Variants in ADRA1D observed in about 807,000 individuals in gnomAD.
ADRA1D encodes the protein adrenoceptor alpha 1D, also known as alpha-1D adrenergic receptor.
Under a neutral mutation model 18.6 loss-of-function variants are expected in ADRA1D, and 22 were observed. The observed-to-expected ratio is 1.19, with a 90% CI of 0.85 to 1.69. The LOEUF is 1.69. Ranked by LOEUF, ADRA1D falls within the 40% of genes most tolerant of loss-of-function variation. ADRA1D has a pLI of 0.00. For missense variants in ADRA1D, 840 were observed against 840.7 expected (o/e 1.00, Z 0.01); for synonymous variants, 376 against 388.2 (o/e 0.97, Z 0.37).
Position 4,221,296 on chromosome 20 carries a change from A to T in ADRA1D, c.*227T>A, listed in dbSNP as rs548799874. On this transcript the variant is annotated 3_prime_UTR_variant, in exon 2 of 2. Transcript: ENST00000379453. Reference sequence around the variant, plus strand: ...CGGAGCCCGCAGCCTCTCCCTTCTAAGAAAAGAGTTCTGGGCACCTGAGTC... The same window carrying T: ...CGGAGCCCGCAGCCTCTCCCTTCTATGAAAAGAGTTCTGGGCACCTGAGTC... The T allele has an allele frequency of 2.2e-5, 10 of 463,500 alleles. No homozygotes were observed. Among genetic ancestry groups the T allele is most frequent in the African/African-American group, 4.0e-5 (2 of 49,498 alleles). 28.7% of individuals were successfully genotyped at this position (463,500 alleles called of 1,614,324 possible). A position where few individuals can be genotyped will look rare whatever the true frequency, so the allele number is the denominator to read the frequency against.
At chr20:4,246,261 C>T (rs1357338932) in intron 1 of ADRA1D, among the ~76,000 whole-genome samples, 4 of 152,282 alleles carry the variant, frequency 2.6e-5, no homozygotes, top group South Asian at 4.1e-4. Flanking sequence ...AGAAACAAAA[C>T]AAGCAGCACA....
Position 4,222,167 on chromosome 20 carries a change from G to C in ADRA1D, c.1112-37C>G, listed in dbSNP as rs1251893207. The C allele has an allele frequency of 2.5e-6, 4 of 1,590,520 alleles. No individual in the cohort carries two copies. Among genetic ancestry groups the C allele is most frequent in the Non-Finnish European group, 3.4e-6 (4 of 1,167,330 alleles). The stretch of plus-strand genomic sequence containing the variant: ...AGAGACCGATACTATTTAGCTGCTT[G>C]GGGAGGGGGAGGCCAGGCGGCTCTG... On this transcript the variant is annotated intron_variant, in intron 1 of 1. Coordinates refer to ENST00000379453, the MANE Select transcript of ADRA1D (RefSeq NM_000678.4). This position sits in a 1 kb window ranked among gnomAD's most constrained non-coding sequence, Gnocchi z 4.3.
rs577709774 is a variant in ADRA1D at position 4,240,239 on chromosome 20, G to A, written c.1111+7608C>T. On this transcript the variant is annotated intron_variant, in intron 1 of 1. Coordinates refer to ENST00000379453, the MANE Select transcript of ADRA1D (RefSeq NM_000678.4). ...GAAAAAAAAGCAGTGGAGGCTTACC[G>A]AGTAAAGAAACCTAATAGGCAAATC... Among the ~76,000 whole-genome samples, 10 of 152,270 alleles carry A rather than the reference G, an allele frequency of 6.6e-5. No homozygotes were observed. The South Asian group carries it at 8.3e-4, about 13-fold the overall frequency.
At chr20:4,247,110 AC>A (rs1490728071) in intron 1 of ADRA1D, among the ~76,000 whole-genome samples, 3 of 152,218 alleles carry the variant, frequency 2.0e-5, no homozygotes, top group Non-Finnish European at 4.4e-5. Context: ...GCCTCTGAAG[AC>A]AGCTGCCTAC....
intron 1 of ADRA1D, among the ~76,000 whole-genome samples, chr20:4,246,553 G>C (rs544647165): frequency 1.3e-5 from 2 of 152,064 alleles, no homozygotes; most frequent in Non-Finnish European, 1.5e-5. Context: ...CGGCAAGACC[G>C]TGACGGCAGA....
chr20:4,233,782 G>A (rs1215057247), intron 1 of ADRA1D, among the ~76,000 whole-genome samples: 1 of 152,164 alleles, frequency 6.6e-6, no homozygotes, highest in Non-Finnish European at 1.5e-5. Context: ...TTCAACAGGA[G>A]GCTTGCAGTG....
chr20:4,229,077 C>G (rs1457492877), intron 1 of ADRA1D, among the ~76,000 whole-genome samples: 1 of 152,222 alleles, frequency 6.6e-6, no homozygotes, highest in African/African-American at 2.4e-5. Flanking sequence ...TACTCCTTGT[C>G]AGTTTCCTTG....
intron 1 of ADRA1D, among the ~76,000 whole-genome samples, chr20:4,245,673 A>G (rs1019899095): frequency 4.6e-5 from 7 of 152,148 alleles, no homozygotes; most frequent in Non-Finnish European, 8.8e-5. Context: ...CATTCTACAC[A>G]GGTTGGGCGT....
chr20:4,221,301 A>G lies in ADRA1D; in HGVS notation c.*222T>C. The G allele has an allele frequency of 2.1e-6, 1 of 467,464 alleles. No homozygotes were observed. Among genetic ancestry groups the G allele is most frequent in the Non-Finnish European group, 3.7e-6 (1 of 269,770 alleles). The allele number at this position is 467,464 out of a possible 1,614,324, so 29.0% of individuals were successfully genotyped here. On this transcript the variant is annotated 3_prime_UTR_variant, in exon 2 of 2. Coordinates refer to ENST00000379453, the MANE Select transcript of ADRA1D (RefSeq NM_000678.4). The stretch of plus-strand genomic sequence containing the variant: ...CCCGCAGCCTCTCCCTTCTAAGAAA[A>G]GAGTTCTGGGCACCTGAGTCCAGCA...
rs1327581419 is a variant in ADRA1D at position 4,248,811 on chromosome 20, G to GC, written c.146dup (p.Ala50ArgfsTer65). ...CCACCACGCCGCCGCCGCCGCCCGCGCCCCCCGGCACGCCGCCCACCGCCG... is the reference window on the plus strand; with the variant it reads ...CCACCACGCCGCCGCCGCCGCCCGCGCCCCCCCGGCACGCCGCCCACCGCCG... On this transcript the variant is annotated frameshift_variant, in exon 1 of 2. Coordinates refer to ENST00000379453, the MANE Select transcript of ADRA1D (RefSeq NM_000678.4). LOFTEE classifies it high-confidence loss of function. 2 of 1,089,078 alleles carry GC rather than the reference G, an allele frequency of 1.8e-6. No individual in the cohort carries two copies. The highest frequency in any genetic ancestry group is 1.7e-5 in the African/African-American group (1 of 58,954). 67.5% of individuals were successfully genotyped at this position (1,089,078 alleles called of 1,614,324 possible).
At chr20:4,224,299 G>C (rs1247697859) in intron 1 of ADRA1D, among the ~76,000 whole-genome samples, 1 of 152,158 alleles carries the variant, frequency 6.6e-6, no homozygotes, top group African/African-American at 2.4e-5. Flanking sequence ...GTCAGGAAAG[G>C]CTTCTGGGAT....
At chr20:4,237,083 G>A (rs1313961221) in intron 1 of ADRA1D, among the ~76,000 whole-genome samples, 3 of 152,122 alleles carry the variant, frequency 2.0e-5, no homozygotes, top group African/African-American at 7.2e-5. Context: ...AGCTGAAGAG[G>A]GTTTGTCTGG....
In ADRA1D at chr20:4,222,550, G is replaced by T. The variant is rs1980697844; in HGVS notation, c.1112-420C>A. 6.6e-6 allele frequency among the ~76,000 whole-genome samples: 1 copy of T among 152,116 alleles called. No individual in the cohort carries two copies. Among genetic ancestry groups the T allele is most frequent in the Non-Finnish European group, 1.5e-5 (1 of 68,020 alleles). On this transcript the variant is annotated intron_variant, in intron 1 of 1. Coordinates refer to ENST00000379453, the MANE Select transcript of ADRA1D (RefSeq NM_000678.4). This position sits in a 1 kb window ranked among gnomAD's most constrained non-coding sequence, Gnocchi z 4.3. ...ACAAAGTACGGCTCTCTGGAAAGAT[G>T]CTTTGAAGATAAAATAGGATAGAAC... is the stretch of plus-strand genomic sequence containing the variant.
Position 4,224,662 on chromosome 20 carries a change from T to A in ADRA1D, c.1112-2532A>T, listed in dbSNP as rs545026276. 5.7e-4 allele frequency among the ~76,000 whole-genome samples: 76 copies of A among 133,300 alleles called. 2 individuals carry two copies. The highest frequency in any genetic ancestry group is 2.1e-3 in the African/African-American group (74 of 35,014). The allele number at this position is 133,300 out of a possible 152,430, so 87.4% of individuals were successfully genotyped here. A position where few individuals can be genotyped will look rare whatever the true frequency, so the allele number is the denominator to read the frequency against. On this transcript the variant is annotated intron_variant, in intron 1 of 1. Transcript: ENST00000379453. The stretch of plus-strand genomic sequence containing the variant: ...TGTGAGACCAAGCGGGCCAGGGGTG[T>A]TCCATCCTGGATAGAGGCTGCAGGT...
In ADRA1D at chr20:4,239,250, C is replaced by T. The variant is rs1017619713; in HGVS notation, c.1111+8597G>A. On this transcript the variant is annotated intron_variant, in intron 1 of 1. Transcript: ENST00000379453. The surrounding 1 kb of genome is among the most constrained non-coding windows in gnomAD (Gnocchi z 4.9). ...GAAAAAACAGTGTGATTCTGATGCC[C>T]AGATCTTTAATGAATGGAGCAGGGT... 4.6e-5 allele frequency among the ~76,000 whole-genome samples: 7 copies of T among 152,010 alleles called. No homozygotes were observed. Among genetic ancestry groups the T allele is most frequent in the South Asian group, 4.2e-4 (2 of 4,818 alleles).
chr20:4,230,680 A>G (rs532160714), intron 1 of ADRA1D, among the ~76,000 whole-genome samples: 6 of 152,246 alleles, frequency 3.9e-5, no homozygotes, highest in Non-Finnish European at 5.9e-5. Flanking sequence ...AGAGGAATCA[A>G]TCGAAACATG....
Position 4,247,898 on chromosome 20 carries a change from C to A in ADRA1D, c.1060G>T (p.Val354Leu), listed in dbSNP as rs1366474839. Residue 354 changes from valine (V) to leucine (L), a missense_variant, in exon 1 of 2, where the codon GTG becomes TTG. Physicochemically the swap from Val to Leu is conservative, Grantham distance 32. Coordinates refer to ENST00000379453, the MANE Select transcript of ADRA1D (RefSeq NM_000678.4). ...AACCAGCAGAGCACGAAGACACCCA[C>A]GACGATGGCCAGAGTCTTGGCCGCT... The part of the protein sequence containing the change: ...KKAAKTLAIV[V>L]GVFVLCWFPF... 6.3e-7 allele frequency: 1 copy of A among 1,593,780 alleles called. No individual in the cohort carries two copies. Among genetic ancestry groups the A allele is most frequent in the South Asian group, 1.1e-5 (1 of 87,444 alleles).
intron 1 of ADRA1D, among the ~76,000 whole-genome samples, chr20:4,236,367 G>A (rs1263023881): frequency 6.6e-6 from 1 of 152,222 alleles, no homozygotes; most frequent in East Asian, 1.9e-4. Context: ...GTTAATTAAG[G>A]TGGGAGAGTG....
rs779641765 is a variant in ADRA1D at position 4,248,035 on chromosome 20, C to G, written c.923G>C (p.Cys308Ser). ...KASEVVLRIH[C>S]RGAATGADGA... ...GTCGGCGCCCGTGGCCGCGCCGCGA[C>G]AGTGGATGCGCAGCACCACCTCGGA... Residue 308 changes from cysteine (C) to serine (S), a missense_variant, in exon 1 of 2, where the codon TGT becomes TCT. Coordinates refer to ENST00000379453, the MANE Select transcript of ADRA1D (RefSeq NM_000678.4). 10 of 1,551,134 alleles carry G rather than the reference C, an allele frequency of 6.4e-6. No individual in the cohort carries two copies. Among genetic ancestry groups the G allele is most frequent in the Non-Finnish European group, 6.1e-6 (7 of 1,148,058 alleles).
Sources: allele counts gnomAD v4.1 joint callset (sites outside exome capture counted in the v4.1 genomes callset), GRCh38; gene constraint gnomAD v4.1.1; non-coding constraint Gnocchi (gnomAD v3.1); transcripts MANE v1.5; gene names NCBI Gene and HGNC (gene_info 2026-07-23, HGNC 2026-07-21).